Variants in DLGAP1 observed in about 807,000 individuals in gnomAD.
DLGAP1 encodes DLG associated protein 1.
In DLGAP1, 11 loss-of-function variants were observed where a neutral mutation model predicts 90.8. The observed-to-expected ratio is 0.12, with a 90% CI of 0.08 to 0.20. The LOEUF (loss-of-function observed/expected upper bound fraction) is 0.20. Ranked by LOEUF, DLGAP1 falls within the 10% of genes least tolerant of loss-of-function variation. DLGAP1 has a pLI of 1.00. For synonymous variants in DLGAP1, 558 were observed against 540.7 expected (o/e 1.03, Z -0.44); for missense variants, 1,050 against 1,333.8 (o/e 0.79, Z 3.31).
chr18:3,849,277 A>C (rs1237292987), intron 4 of DLGAP1, among the ~76,000 whole-genome samples: 1 of 152,172 alleles, frequency 6.6e-6, no homozygotes, highest in Non-Finnish European at 1.5e-5. Context: ...CAGAAGGCTC[A>C]AAAGGTGCAT....
intron 10 of DLGAP1, among the ~76,000 whole-genome samples, chr18:3,516,024 C>T (rs562295909): frequency 1.3e-5 from 2 of 152,104 alleles, no homozygotes; most frequent in Admixed American, 6.6e-5. Context: ...GGCTTCACTT[C>T]GCATTCTAGT....
At chr18:3,556,558 G>A (rs969413667) in intron 9 of DLGAP1, among the ~76,000 whole-genome samples, 6 of 151,980 alleles carry the variant, frequency 3.9e-5, no homozygotes, top group African/African-American at 9.7e-5. Flanking sequence ...ATACGTTGAC[G>A]TTTTTCCCAT....
At chr18:3,598,795 A>G (rs1050800650) in intron 7 of DLGAP1, among the ~76,000 whole-genome samples, 3 of 142,982 alleles carry the variant, frequency 2.1e-5, no homozygotes, top group Non-Finnish European at 4.5e-5. Context: ...AGTGTCCCTT[A>G]AAGACTGTAT....
At chr18:3,813,532 T>C (rs752689738) in intron 5 of DLGAP1, among the ~76,000 whole-genome samples, 1 of 152,222 alleles carries the variant, frequency 6.6e-6, no homozygotes, top group Non-Finnish European at 1.5e-5. Flanking sequence ...TCAATTGTAA[T>C]ACATATCGAG....
intron 4 of DLGAP1, among the ~76,000 whole-genome samples, chr18:3,862,465 A>G (rs1050420937): frequency 6.6e-6 from 1 of 152,244 alleles, no homozygotes; most frequent in Non-Finnish European, 1.5e-5. Context: ...CCCAAAACTC[A>G]GCGTGAGAAT....
chr18:3,911,816 T>C (rs1340762415), intron 3 of DLGAP1, among the ~76,000 whole-genome samples: 1 of 152,244 alleles, frequency 6.6e-6, no homozygotes, highest in Non-Finnish European at 1.5e-5. Context: ...AATTGATACA[T>C]CTACTTAGCT....
chr18:4,330,166 C>T (rs1379521057), intron 1 of DLGAP1, among the ~76,000 whole-genome samples: 1 of 151,994 alleles, frequency 6.6e-6, no homozygotes, highest in African/African-American at 2.4e-5. Flanking sequence ...AAGATGCTCA[C>T]TCATCTTTAC....
At chr18:4,140,101 CA>C (rs1162380675) in intron 2 of DLGAP1, among the ~76,000 whole-genome samples, 1 of 151,930 alleles carries the variant, frequency 6.6e-6, no homozygotes, top group Non-Finnish European at 1.5e-5. Flanking sequence ...CATTTACTTT[CA>C]ATGTTATTAT....
chr18:3,772,172 C>CCTTCCTTT (rs139069395), intron 5 of DLGAP1, among the ~76,000 whole-genome samples: 50,008 of 145,010 alleles, frequency 0.34, 8,905 homozygotes, highest in African/African-American at 0.43. Context: ...TTCTCTCCTT[C>CCTTCCTTT]CTTTCTCTCC....
At chr18:4,309,098 T>C (rs2080335426) in intron 1 of DLGAP1, among the ~76,000 whole-genome samples, 2 of 152,144 alleles carry the variant, frequency 1.3e-5, no homozygotes, top group African/African-American at 4.8e-5. Flanking sequence ...AAGATGTAGG[T>C]AGGTAGGTAA....
chr18:4,329,904 G>T (rs566827297), intron 1 of DLGAP1, among the ~76,000 whole-genome samples: 5 of 152,020 alleles, frequency 3.3e-5, no homozygotes, highest in African/African-American at 1.2e-4. Context: ...GAGGTTTGGA[G>T]AATTACCTCT....
chr18:4,015,568 T>C (rs1431741554), intron 2 of DLGAP1, among the ~76,000 whole-genome samples: 1 of 152,142 alleles, frequency 6.6e-6, no homozygotes, highest in Non-Finnish European at 1.5e-5. Context: ...TTAGGGAAAA[T>C]TTAAAAAAGT....
At chr18:3,994,153 G>C (rs754455075) in intron 3 of DLGAP1, among the ~76,000 whole-genome samples, 2 of 152,140 alleles carry the variant, frequency 1.3e-5, no homozygotes, top group Non-Finnish European at 2.9e-5. Flanking sequence ...GCCTGGCACC[G>C]GGTGATCCAG....
intron 1 of DLGAP1, among the ~76,000 whole-genome samples, chr18:4,316,193 A>T (rs2143526100): frequency 1.3e-5 from 2 of 152,300 alleles, no homozygotes; most frequent in East Asian, 1.9e-4. Context: ...TCTCTCATTA[A>T]CTTTGAGCTG....
chr18:4,041,450 G>C (rs1184083302), intron 2 of DLGAP1, among the ~76,000 whole-genome samples: 1 of 152,166 alleles, frequency 6.6e-6, no homozygotes, highest in Non-Finnish European at 1.5e-5. Context: ...TGAATTCCCT[G>C]TCCTGGTGTC....
intron 8 of DLGAP1, among the ~76,000 whole-genome samples, chr18:3,570,721 G>C (rs1471661941): frequency 2.0e-5 from 3 of 151,702 alleles, no homozygotes; most frequent in Non-Finnish European, 4.4e-5. Context: ...TTGAGCCCAA[G>C]AGTTAAAGAC....
chr18:4,319,085 T>A (rs1046522432), intron 1 of DLGAP1, among the ~76,000 whole-genome samples: 1 of 152,242 alleles, frequency 6.6e-6, no homozygotes, highest in Non-Finnish European at 1.5e-5. Flanking sequence ...TGTATACATA[T>A]ATCAAAGCAT....
At chr18:3,974,233 C>T (rs2073521314) in intron 3 of DLGAP1, among the ~76,000 whole-genome samples, 1 of 152,062 alleles carries the variant, frequency 6.6e-6, no homozygotes, top group South Asian at 2.1e-4. Flanking sequence ...CACCACGACA[C>T]CTGGCTAATT....
At chr18:3,632,293 T>A (rs548233) in intron 7 of DLGAP1, among the ~76,000 whole-genome samples, 1 of 151,898 alleles carries the variant, frequency 6.6e-6, no homozygotes, top group Non-Finnish European at 1.5e-5. Context: ...TGGAAAAATA[T>A]TTTTTCTTTT....
Sources: gnomAD v4.1 joint callset for allele counts (sites outside exome capture counted in the v4.1 genomes callset) on GRCh38, gnomAD v4.1.1 for gene constraint, MANE v1.5 for transcripts, NCBI Gene and HGNC (gene_info 2026-07-23, HGNC 2026-07-21) for gene names.